The following SNRPG variants were observed in gnomAD, a reference collection of about 807,000 sequenced individuals.
SNRPG encodes small nuclear ribonucleoprotein polypeptide G, also known as small nuclear ribonucleoprotein G.
A neutral mutation model predicts 13.9 loss-of-function variants in SNRPG; 3 were observed. The observed-to-expected ratio is 0.22, with a 90% CI of 0.10 to 0.56. The LOEUF (loss-of-function observed/expected upper bound fraction) is 0.56, where lower values mean the gene tolerates loss of function less well. Among genes scored for constraint, SNRPG ranks in the 20% least tolerant of loss-of-function variants. The pLI is 0.93. For missense variants in SNRPG, 34 were observed against 96.1 expected (o/e 0.35, Z 2.70); for synonymous variants, 29 against 29.3 (o/e 0.99, Z 0.03).
At chr2:70,283,019 C>T (rs1033837528) in intron 3 of SNRPG, among the ~76,000 whole-genome samples, 11 of 135,092 alleles carry the variant, frequency 8.1e-5, no homozygotes, top group African/African-American at 2.7e-4. Context: ...CACTTGAACC[C>T]GGGAGGCGGA....
chr2:70,287,028 G>A (rs1217460611), intron 3 of SNRPG, among the ~76,000 whole-genome samples: 1 of 152,044 alleles, frequency 6.6e-6, no homozygotes, highest in Non-Finnish European at 1.5e-5. Flanking sequence ...GAAACTTGGG[G>A]GTACAGTGTG....
chr2:70,282,926 C>A (rs774718285), intron 3 of SNRPG, among the ~76,000 whole-genome samples: 4 of 151,826 alleles, frequency 2.6e-5, no homozygotes, highest in Non-Finnish European at 5.9e-5. Flanking sequence ...AAACCCCCAT[C>A]TCTACTAAAA....
At chr2:70,288,286 G>C in intron 2 of SNRPG, 94 bp from the exon 3 acceptor site, 1 of 1,031,642 alleles carries the variant, frequency 9.7e-7, no homozygotes, top group Non-Finnish European at 1.5e-6. Flanking sequence ...AAGTATTTGA[G>C]ATGTCTGAAA....
At chr2:70,290,402 A>G (rs1459291242) in intron 1 of SNRPG, among the ~76,000 whole-genome samples, 2 of 152,276 alleles carry the variant, frequency 1.3e-5, no homozygotes, top group South Asian at 4.1e-4. Flanking sequence ...TTGAAACTTC[A>G]AACGATATGA....
chr2:70,288,219 A>C (rs1559044254), intron 2 of SNRPG, 27 bp from the exon 3 acceptor site: 1 of 1,599,114 alleles, frequency 6.3e-7, no homozygotes, highest in Non-Finnish European at 8.6e-7. Context: ...AAGAAGTTTT[A>C]GAAAAACATT....
At chr2:70,291,214 T>C (rs1697087329) in intron 1 of SNRPG, 1 of 152,168 alleles carries the variant, frequency 6.6e-6, no homozygotes, top group South Asian at 2.1e-4. Context: ...GCTAAAGCAA[T>C]TTTTCAAAGT....
intron 1 of SNRPG, chr2:70,293,389 TCG>T (rs1697155046): frequency 1.6e-6 from 1 of 628,934 alleles, no homozygotes; most frequent in African/African-American, 1.8e-5. Flanking sequence ...TGGAGACTAG[TCG>T]GCCGGAAGGA....
At chr2:70,293,369 C>T in intron 1 of SNRPG, 1 of 629,784 alleles carries the variant, frequency 1.6e-6, no homozygotes, top group Non-Finnish European at 2.9e-6. Flanking sequence ...AGGGGCCAGA[C>T]CGCGGGACCT....
intron 3 of SNRPG, among the ~76,000 whole-genome samples, chr2:70,282,899 T>A (rs890982553): frequency 2.0e-5 from 3 of 151,440 alleles, no homozygotes; most frequent in South Asian, 4.2e-4. Flanking sequence ...TTCGAGACCA[T>A]CCTGGCCAAC....
Position 70,293,019 on chromosome 2 carries a change from C to A in SNRPG, c.32+599G>T, listed in dbSNP as rs191469200. ...TCTCTGACTAGAAAAAATTAATGTTCTTAAAAAAAAAGAAAAATGAATGTT... is the reference window on the plus strand; with the variant it reads ...TCTCTGACTAGAAAAAATTAATGTTATTAAAAAAAAAGAAAAATGAATGTT... On this transcript the variant is annotated intron_variant, in intron 1 of 3. Coordinates refer to ENST00000272348, the MANE Select transcript of SNRPG (RefSeq NM_003096.4). 9.7e-6 allele frequency: 6 copies of A among 619,390 alleles called. No homozygotes were observed. In the East Asian group the frequency reaches 1.7e-4, roughly 17 times the overall value. 38.4% of individuals were successfully genotyped at this position (619,390 alleles called of 1,614,324 possible). A position where few individuals can be genotyped will look rare whatever the true frequency, so the allele number is the denominator to read the frequency against.
intron 1 of SNRPG, 126 bp downstream of exon 1, chr2:70,293,492 C>A (rs571276699): frequency 6.8e-6 from 6 of 888,420 alleles, no homozygotes; most frequent in Non-Finnish European, 7.6e-6. Context: ...GGGATCCCGG[C>A]GACCTCGGAC....
chr2:70,286,194 C>T (rs1696937697), intron 3 of SNRPG, among the ~76,000 whole-genome samples: 2 of 152,150 alleles, frequency 1.3e-5, no homozygotes, highest in Non-Finnish European at 2.9e-5. Flanking sequence ...TCTCGAAGTG[C>T]TGGGATTATA....
chr2:70,287,914 A>G (rs2104917843), intron 3 of SNRPG, 154 bp downstream of exon 3: 1 of 639,928 alleles, frequency 1.6e-6, no homozygotes. Context: ...GGATATTACT[A>G]CAGCTGAGTA....
In SNRPG at chr2:70,289,363, G is replaced by A. The variant is rs1697022251; in HGVS notation, c.42C>T (p.Asp14=). The A allele has an allele frequency of 2.1e-6, 3 of 1,446,948 alleles. No homozygotes were observed. The highest frequency in any genetic ancestry group is 2.9e-6 in the Non-Finnish European group (3 of 1,048,356). The allele number at this position is 1,446,948 out of a possible 1,614,324, so 89.6% of individuals were successfully genotyped here. A position where few individuals can be genotyped will look rare whatever the true frequency, so the allele number is the denominator to read the frequency against. ...AHPPELKKFM[D]KKLSLKLNGG... is the part of the protein sequence containing the mutation. Reference sequence around the variant, plus strand: ...CAACAAACTTACATGATAACTTCTTGTCCATAAATCTGAAAAAGGAAAAGG... The same window carrying A: ...CAACAAACTTACATGATAACTTCTTATCCATAAATCTGAAAAAGGAAAAGG... The change falls in exon 2 of 4, where the codon GAC becomes GAT. Residue 14 remains aspartate (D), a synonymous_variant. Coordinates refer to ENST00000272348, the MANE Select transcript of SNRPG (RefSeq NM_003096.4).
intron 1 of SNRPG, chr2:70,293,196 C>T (rs1248132484): frequency 1.4e-6 from 1 of 702,436 alleles, no homozygotes; most frequent in Admixed American, 2.0e-5. Flanking sequence ...ATTCTGATGC[C>T]TCACGTAGTT....
chr2:70,286,854 C>T (rs1696955058), intron 3 of SNRPG, among the ~76,000 whole-genome samples: 1 of 152,272 alleles, frequency 6.6e-6, no homozygotes, highest in South Asian at 2.1e-4. Flanking sequence ...ACCTAATCTA[C>T]CTTCTATTAG....
At chr2:70,285,714 C>G (rs1302360000) in intron 3 of SNRPG, among the ~76,000 whole-genome samples, 1 of 152,196 alleles carries the variant, frequency 6.6e-6, no homozygotes, top group Non-Finnish European at 1.5e-5. Context: ...AGGCCTAATT[C>G]TCCAAATCAA....
rs1244177237 is a variant in SNRPG at position 70,293,587 on chromosome 2, C to G, written c.32+31G>C. 3 of 1,599,910 alleles carry G rather than the reference C, an allele frequency of 1.9e-6. No individual in the cohort carries two copies. In the South Asian group the frequency reaches 3.3e-5, roughly 18 times the overall value. On this transcript the variant is annotated intron_variant, in intron 1 of 3. Transcript: ENST00000272348. ...GGACTCGCAGGACGCAAATAACTGA[C>G]CACTTCGGTTTGGCTCTCACACATA...
rs891674502 is a variant in SNRPG at position 70,293,664 on chromosome 2, G to A, written c.-15C>T. ...GCTTTGCTCATGGTGTATACTCCGC[G>A]GGCTCACAGATGCCTTGGAACGCAA... On this transcript the variant is annotated 5_prime_UTR_variant, in exon 1 of 4. Coordinates refer to ENST00000272348, the MANE Select transcript of SNRPG (RefSeq NM_003096.4). 15 of 1,613,640 alleles carry A rather than the reference G, an allele frequency of 9.3e-6. No individual in the cohort carries two copies. Among genetic ancestry groups the A allele is most frequent in the East Asian group, 2.2e-5 (1 of 44,892 alleles).
Sources: allele counts gnomAD v4.1 joint callset (sites outside exome capture counted in the v4.1 genomes callset), GRCh38; gene constraint gnomAD v4.1.1; transcripts MANE v1.5; gene names NCBI Gene and HGNC (gene_info 2026-07-23, HGNC 2026-07-21).